GRIN2B: variants seen among roughly 807,000 people sequenced by gnomAD.
The protein encoded by GRIN2B is glutamate receptor ionotropic, NMDA 2B.
GRIN2B carries 5 observed loss-of-function variants against 114.5 expected under a neutral mutation model. That is an observed-to-expected ratio of 0.04 (90% CI 0.02 to 0.09). GRIN2B has a LOEUF of 0.09. Among genes scored for constraint, GRIN2B ranks in the 10% least tolerant of loss-of-function variants. The pLI is 1.00. For synonymous variants in GRIN2B, 787 were observed against 745.1 expected, an observed-to-expected ratio of 1.06 and a Z score of -0.92; for missense variants, 1,108 against 1,943.5, an observed-to-expected ratio of 0.57 and a Z score of 8.08.
rs574939293 is a variant in GRIN2B, at chr12:13,759,669, C to T, written c.412-5754G>A. Among the ~76,000 whole-genome samples, 6 of 152,332 alleles carry T rather than the reference C, an allele frequency of 3.9e-5. No individual in the cohort carries two copies. In the South Asian group the frequency reaches 1.2e-3, roughly 32 times the overall value. On this transcript the variant is annotated intron_variant, in intron 3 of 13. Transcript: ENST00000609686. ...TCTACCAGCAACATTTGATGTTCTT[C>T]ATCCAATCCCTGCAAGAGCATGCTC... is the stretch of plus-strand genomic sequence containing the variant.
chr12:13,876,823 T>A (rs1423630799), intron 2 of GRIN2B, among the ~76,000 whole-genome samples: 5 of 152,004 alleles, frequency 3.3e-5, no homozygotes, highest in African/African-American at 1.2e-4. Context: ...GTCTTATTTA[T>A]CTATCTCCAG....
At chr12:13,669,270 C>T (rs1396813760) in intron 5 of GRIN2B, among the ~76,000 whole-genome samples, 15 of 151,950 alleles carry the variant, frequency 9.9e-5, no homozygotes, top group Admixed American at 9.8e-4. Context: ...AGAAAGTGAA[C>T]AGCTGATCTC....
chr12:13,694,059 T>C (rs538094272), intron 4 of GRIN2B, among the ~76,000 whole-genome samples: 7 of 152,180 alleles, frequency 4.6e-5, no homozygotes, highest in African/African-American at 1.7e-4. Context: ...AGTAATTAGG[T>C]CTTAAGGTGC....
chr12:13,924,707 A>C (rs1279851251), intron 2 of GRIN2B, among the ~76,000 whole-genome samples: 1 of 152,166 alleles, frequency 6.6e-6, no homozygotes, highest in Non-Finnish European at 1.5e-5. Context: ...AAAAAGAGGA[A>C]TATCTGTATC....
At chr12:13,638,764 C>G (rs1805553) in intron 5 of GRIN2B, among the ~76,000 whole-genome samples, 7,572 of 152,098 alleles carry the variant, frequency 0.05, 289 homozygotes, top group East Asian at 0.17. Context: ...CCAAGAAGTC[C>G]TGTTACCCAG....
Position 13,981,488 on chromosome 12 carries a change from T to C in GRIN2B, c.-594A>G, listed in dbSNP as rs890337833. 6.6e-6 allele frequency: 1 copy of C among 151,968 alleles called. No individual in the cohort carries two copies. The highest frequency in any genetic ancestry group is 1.5e-5 in the Non-Finnish European group (1 of 68,040). 9.4% of individuals were successfully genotyped at this position (151,968 alleles called of 1,614,324 possible). A position where few individuals can be genotyped will look rare whatever the true frequency, so the allele number is the denominator to read the frequency against. ...GACTCTTCTTTGCAAGGCAAAAGGA[T>C]ATGCATTCGGACGCCAGCACTACTG... is the stretch of plus-strand genomic sequence containing the variant. On this transcript the variant is annotated 5_prime_UTR_variant, in exon 1 of 14. The change creates a new upstream start codon in the 5' untranslated region. Transcript: ENST00000609686.
At chr12:13,642,078 A>G (rs1949722777) in intron 5 of GRIN2B, among the ~76,000 whole-genome samples, 1 of 152,008 alleles carries the variant, frequency 6.6e-6, no homozygotes, top group African/African-American at 2.4e-5. Context: ...AATTTCAGCT[A>G]CTCAGGAGGC....
intron 2 of GRIN2B, among the ~76,000 whole-genome samples, chr12:13,867,243 A>AT (rs1865842998): frequency 6.6e-6 from 1 of 152,088 alleles, no homozygotes; most frequent in Non-Finnish European, 1.5e-5. Flanking sequence ...TTTTCATATA[A>AT]TTTGCCACCT....
chr12:13,726,700 A>T, intron 4 of GRIN2B, among the ~76,000 whole-genome samples: 1 of 151,290 alleles, frequency 6.6e-6, no homozygotes, highest in East Asian at 1.9e-4. Flanking sequence ...TTTGGGGAAC[A>T]CATGGTATTT....
intron 2 of GRIN2B, among the ~76,000 whole-genome samples, chr12:13,917,908 G>GTTTTTA (rs1217272302): frequency 6.6e-6 from 1 of 151,776 alleles, no homozygotes; most frequent in Non-Finnish European, 1.5e-5. Context: ...TTTTGTTTTT[G>GTTTTTA]TTTTTAATCC....
chr12:13,914,239 C>T (rs779222366), intron 2 of GRIN2B, among the ~76,000 whole-genome samples: 10 of 152,094 alleles, frequency 6.6e-5, no homozygotes, highest in African/African-American at 2.4e-4. Flanking sequence ...CCTCCCCACC[C>T]CTAAAGCCAA....
intron 2 of GRIN2B, among the ~76,000 whole-genome samples, chr12:13,968,930 C>T (rs1867834176): frequency 1.3e-5 from 2 of 152,208 alleles, no homozygotes; most frequent in Non-Finnish European, 2.9e-5. Context: ...AATGGAGAAT[C>T]TTCAAAATGT....
intron 5 of GRIN2B, among the ~76,000 whole-genome samples, chr12:13,675,037 C>G (rs1319073464): frequency 2.0e-5 from 3 of 152,130 alleles, no homozygotes; most frequent in African/African-American, 7.2e-5. Context: ...AACTGGGAAT[C>G]TGGAATAATA....
intron 4 of GRIN2B, among the ~76,000 whole-genome samples, chr12:13,721,246 C>T (rs1490228958): frequency 1.3e-5 from 2 of 151,696 alleles, no homozygotes; most frequent in Non-Finnish European, 2.9e-5. Flanking sequence ...AGACAGCAGC[C>T]AAGGACAAAG....
intron 5 of GRIN2B, among the ~76,000 whole-genome samples, chr12:13,663,597 G>A (rs1949945763): frequency 6.6e-6 from 1 of 152,190 alleles, no homozygotes; most frequent in Non-Finnish European, 1.5e-5. Context: ...GACTTTGTCA[G>A]TATTTTATTA....
intron 4 of GRIN2B, among the ~76,000 whole-genome samples, chr12:13,747,262 A>G (rs1434943647): frequency 2.0e-5 from 3 of 152,210 alleles, no homozygotes; most frequent in Admixed American, 6.5e-5. Flanking sequence ...GCCTTTCACA[A>G]GTTTGACTTC....
At chr12:13,575,700 A>T (rs993736433) in intron 10 of GRIN2B, among the ~76,000 whole-genome samples, 2 of 122,870 alleles carry the variant, frequency 1.6e-5, no homozygotes, top group Admixed American at 7.7e-5. Flanking sequence ...ATAATAATCA[A>T]AATAATCAGA....
intron 2 of GRIN2B, among the ~76,000 whole-genome samples, chr12:13,954,459 T>C (rs1234212421): frequency 6.6e-6 from 1 of 152,058 alleles, no homozygotes; most frequent in Non-Finnish European, 1.5e-5. Flanking sequence ...ACAGCATTGG[T>C]CATCAGGCTC....
intron 10 of GRIN2B, among the ~76,000 whole-genome samples, chr12:13,577,083 C>T (rs545447381): frequency 2.6e-5 from 4 of 152,148 alleles, no homozygotes; most frequent in Non-Finnish European, 4.4e-5. Flanking sequence ...CTGAGTATGG[C>T]CTTCCTTTTG....
Sources: allele counts gnomAD v4.1 joint callset (sites outside exome capture counted in the v4.1 genomes callset), GRCh38; gene constraint gnomAD v4.1.1; transcripts MANE v1.5; gene names NCBI Gene and HGNC (gene_info 2026-07-23, HGNC 2026-07-21).